ANKRD39: variants seen among roughly 807,000 people sequenced by gnomAD.
ANKRD39 encodes the protein ankyrin repeat domain-containing protein 39.
In ANKRD39, 18 loss-of-function variants were observed where a neutral mutation model predicts 20.3. The ratio of observed to expected loss-of-function variants is 0.89; its 90% CI spans 0.61 to 1.32. The LOEUF (loss-of-function observed/expected upper bound fraction) is 1.32. ANKRD39 is among the 40% of genes most tolerant of loss of function. ANKRD39 has a pLI of 0.00. For missense variants in ANKRD39, 243 were observed against 250.7 expected (o/e 0.97, Z 0.21); for synonymous variants, 106 against 111.9 (o/e 0.95, Z 0.33).
At position 96,854,439 on chromosome 2, in the gene ANKRD39, T is replaced by A; in HGVS notation, c.103A>T (p.Ile35Phe). 6.2e-7 allele frequency: 1 copy of A among 1,614,136 alleles called. No homozygotes were observed. Among genetic ancestry groups the A allele is most frequent in the Non-Finnish European group, 8.5e-7 (1 of 1,180,006 alleles). ...TCTCCATTCAGGGCTGCCGACCAGA[T>A]TCCTGCAGAAAGGCAACCAAAGGAC... ...TLEEMDFERGIWSAALNGDLG... is the reference protein window; with the variant it reads ...TLEEMDFERGFWSAALNGDLG... Residue 35 changes from isoleucine to phenylalanine, a missense_variant and splice_region_variant, in exon 2 of 4, where the codon ATC (isoleucine) becomes TTC (phenylalanine). Coordinates refer to ENST00000393537, the MANE Select transcript of ANKRD39 (RefSeq NM_016466.6).
At chr2:96,856,301 C>T (rs190764181) in intron 1 of ANKRD39, among the ~76,000 whole-genome samples, 40 of 151,722 alleles carry the variant, frequency 2.6e-4, no homozygotes, top group Admixed American at 6.6e-4. Flanking sequence ...GGTGAAACCC[C>T]GGTCTCTACT....
At chr2:96,852,747 T>C (rs188595147) in intron 3 of ANKRD39, among the ~76,000 whole-genome samples, 17 of 152,292 alleles carry the variant, frequency 1.1e-4, no homozygotes, top group African/African-American at 4.1e-4. Context: ...CACATATGCA[T>C]AGACCGCCTC....
In ANKRD39 at chr2:96,854,380, G is replaced by T. The variant is rs371046210; in HGVS notation, c.162C>A (p.Ala54=). The T allele has an allele frequency of 3.7e-6, 6 of 1,614,056 alleles. No individual in the cohort carries two copies. The South Asian group carries it at 6.6e-5, about 18-fold the overall frequency. ...LGRVKHLIQK[A]EDPSQPDSAG... is the part of the protein sequence containing the mutation. ...CCGAGTCGGGCTGACTTGGGTCCTCGGCCTTCTGGATTAAATGCTTCACTC... is the reference window on the plus strand; with the variant it reads ...CCGAGTCGGGCTGACTTGGGTCCTCTGCCTTCTGGATTAAATGCTTCACTC... Residue 54 remains alanine (A), a synonymous_variant, in exon 2 of 4, where the codon GCC becomes GCA. Coordinates refer to ENST00000393537, the MANE Select transcript of ANKRD39 (RefSeq NM_016466.6).
intron 1 of ANKRD39, among the ~76,000 whole-genome samples, chr2:96,857,610 C>G (rs1180095995): frequency 1.3e-5 from 2 of 152,390 alleles, no homozygotes; most frequent in Admixed American, 1.3e-4. Context: ...TTGTGTCTCC[C>G]AGGGGAGGTC....
At chr2:96,850,652 G>C (rs529871234) in intron 3 of ANKRD39, among the ~76,000 whole-genome samples, 1 of 150,810 alleles carries the variant, frequency 6.6e-6, no homozygotes. Context: ...GCAACAGAGC[G>C]AGACTCTATC....
chr2:96,854,613 G>C (rs1165599969), intron 1 of ANKRD39, among the ~76,000 whole-genome samples, 172 bp from the exon 2 acceptor site: 1 of 152,200 alleles, frequency 6.6e-6, no homozygotes, highest in Non-Finnish European at 1.5e-5. Context: ...TGGTGACTTA[G>C]CTGTGAACAA....
chr2:96,848,269 C>G lies in ANKRD39; in HGVS notation c.*32G>C, dbSNP rs768403648. ...GGGCTTGGAGAACTGGTCTGTGTAC[C>G]CTTTAAAGGCAGCTGGAGATAGGGT... On this transcript the variant is annotated 3_prime_UTR_variant, in exon 4 of 4. Transcript: ENST00000393537. 6.2e-7 allele frequency: 1 copy of G among 1,612,344 alleles called. No individual in the cohort carries two copies.
At chr2:96,850,307 T>C (rs2079830628) in intron 3 of ANKRD39, among the ~76,000 whole-genome samples, 2 of 152,186 alleles carry the variant, frequency 1.3e-5, no homozygotes. Context: ...TCAGCAGTTG[T>C]GAGATGCATC....
Position 96,848,078 on chromosome 2 carries a change from A to T in ANKRD39, c.*223T>A. On this transcript the variant is annotated 3_prime_UTR_variant, in exon 4 of 4. Coordinates refer to ENST00000393537, the MANE Select transcript of ANKRD39 (RefSeq NM_016466.6). ...TAACTTTATTTTTTTCCAAATAAAT[A>T]GATGTCTCATATGAACTAATTTAGA... The T allele has an allele frequency of 2.1e-6, 1 of 477,428 alleles. No individual in the cohort carries two copies. Among genetic ancestry groups the T allele is most frequent in the Admixed American group, 3.5e-5 (1 of 28,958 alleles). 29.6% of individuals were successfully genotyped at this position (477,428 alleles called of 1,614,324 possible).
At position 96,850,626 on chromosome 2, in the gene ANKRD39, C is replaced by T. The variant is rs1219476870; in HGVS notation, c.409-2182G>A. 2.0e-5 allele frequency among the ~76,000 whole-genome samples: 3 copies of T among 151,890 alleles called. No homozygotes were observed. The East Asian group carries it at 5.8e-4, about 29-fold the overall frequency. On this transcript the variant is annotated intron_variant, in intron 3 of 3. Transcript: ENST00000393537. ...GTTGCAGTGAGCTGAGATTGTGCCA[C>T]TGCACTCCAGCCTGGGCAACAGAGC...
chr2:96,850,687 A>C (rs937062492), intron 3 of ANKRD39, among the ~76,000 whole-genome samples: 3 of 152,032 alleles, frequency 2.0e-5, no homozygotes, highest in Admixed American at 1.3e-4. Context: ...AAAACAAAAA[A>C]AAAAACAAAA....
chr2:96,857,777 G>T, intron 1 of ANKRD39, 111 bp downstream of exon 1: 2 of 1,153,718 alleles, frequency 1.7e-6, no homozygotes, highest in Non-Finnish European at 2.4e-6. Flanking sequence ...CAGGCCCCAA[G>T]CCCCAAGCCC....
intron 3 of ANKRD39, among the ~76,000 whole-genome samples, chr2:96,852,212 A>AAAAAT (rs1369185837): frequency 4.0e-5 from 6 of 151,610 alleles, no homozygotes; most frequent in Non-Finnish European, 4.4e-5. Flanking sequence ...ACCCTGTCTC[A>AAAAAT]AAAATAAAAT....
At chr2:96,856,941 A>G (rs1299574708) in intron 1 of ANKRD39, among the ~76,000 whole-genome samples, 2 of 152,206 alleles carry the variant, frequency 1.3e-5, no homozygotes, top group African/African-American at 4.8e-5. Context: ...TGGGGGAAGA[A>G]AAGCATGAGA....
chr2:96,856,959 TGAG>T (rs759187804), intron 1 of ANKRD39, among the ~76,000 whole-genome samples: 8 of 151,916 alleles, frequency 5.3e-5, no homozygotes, highest in East Asian at 1.9e-4. Flanking sequence ...AGAAATAAAA[TGAG>T]GAGGAGAAGT....
intron 3 of ANKRD39, among the ~76,000 whole-genome samples, chr2:96,849,223 G>T (rs573642467): frequency 6.6e-6 from 1 of 152,274 alleles, no homozygotes; most frequent in African/African-American, 2.4e-5. Context: ...TGCAATTATA[G>T]CTCACTGCAG....
intron 3 of ANKRD39, among the ~76,000 whole-genome samples, chr2:96,852,751 C>T (rs1574135702): frequency 6.6e-6 from 1 of 152,130 alleles, no homozygotes. Flanking sequence ...TATGCATAGA[C>T]CGCCTCTCAA....
chr2:96,849,229 T>C (rs1009523677), intron 3 of ANKRD39, among the ~76,000 whole-genome samples: 1 of 152,118 alleles, frequency 6.6e-6, no homozygotes, highest in African/African-American at 2.4e-5. Context: ...TATAGCTCAC[T>C]GCAGTCTGCA....
At chr2:96,853,891 C>T (rs1051022368) in intron 2 of ANKRD39, among the ~76,000 whole-genome samples, 1 of 152,234 alleles carries the variant, frequency 6.6e-6, no homozygotes, top group South Asian at 2.1e-4. Flanking sequence ...CTTTGGGAGG[C>T]CGAGGCAGGC....
Sources: gnomAD v4.1 joint callset for allele counts (sites outside exome capture counted in the v4.1 genomes callset) on GRCh38, gnomAD v4.1.1 for gene constraint, MANE v1.5 for transcripts, NCBI Gene and HGNC (gene_info 2026-07-23, HGNC 2026-07-21) for gene names.